Variants in POU3F3 observed in about 807,000 individuals in gnomAD.
POU3F3 encodes the protein POU domain, class 3, transcription factor 3.
In POU3F3, 1 loss-of-function variant was observed where a neutral mutation model predicts 8.6. The ratio of observed to expected loss-of-function variants is 0.12; its 90% confidence interval spans 0.04 to 0.55. POU3F3 has a LOEUF of 0.55. POU3F3 is among the 20% of genes least tolerant of loss of function. The probability of loss-of-function intolerance (pLI) is 0.91; values close to 1 mark genes in which losing one functional copy is unlikely to be tolerated. For synonymous variants in POU3F3, 418 were observed against 327.4 expected (o/e 1.28, Z -2.99); for missense variants, 577 against 690.7 (o/e 0.84, Z 1.84).
At chr2:104,894,449 C>T in the POU3F3 span, among the ~76,000 whole-genome samples, 1 of 152,156 alleles carries the variant, frequency 6.6e-6, no homozygotes, top group Non-Finnish European at 1.5e-5. Flanking sequence ...GGTGGGTTCC[C>T]GGTCACAGCC....
chr2:104,904,488 G>C, the POU3F3 span, among the ~76,000 whole-genome samples: 1 of 152,046 alleles, frequency 6.6e-6, no homozygotes, highest in African/African-American at 2.4e-5. Flanking sequence ...ATACTGCAAA[G>C]GGCAATCCAG....
the POU3F3 span, among the ~76,000 whole-genome samples, chr2:104,923,613 G>A: frequency 1.3e-5 from 2 of 152,134 alleles, no homozygotes; most frequent in South Asian, 4.2e-4. Context: ...TGCAAGAAAT[G>A]AAGTACAAAA....
chr2:104,874,736 C>G, the POU3F3 span, among the ~76,000 whole-genome samples: 4 of 152,168 alleles, frequency 2.6e-5, no homozygotes, highest in Non-Finnish European at 4.4e-5. Context: ...TGTGTTTATA[C>G]GCAGATTAGA....
At chr2:104,877,585 G>A in the POU3F3 span, among the ~76,000 whole-genome samples, 1 of 152,134 alleles carries the variant, frequency 6.6e-6, no homozygotes, top group Non-Finnish European at 1.5e-5. Flanking sequence ...GATGTGTGCA[G>A]TGTGTGTGGC....
the POU3F3 span, chr2:104,872,269 A>T: frequency 2.2e-6 from 1 of 456,554 alleles, no homozygotes; most frequent in Non-Finnish European, 4.4e-6. The surrounding 1 kb of genome is among the most constrained non-coding windows in gnomAD (Gnocchi z 4.6). Context: ...TCCATTCCAC[A>T]TACAGACAGG....
In POU3F3 at chr2:104,857,635, CAG is replaced by C. The variant is rs1335012077; in HGVS notation, c.*625_*626del. ...TTCCTGGGAGCGACCTGAGAGAAAA[CAG>C]AGGCACCAGGTTCCATCAGGGGACG... On this transcript the variant is annotated 3_prime_UTR_variant, in exon 1 of 1. Transcript: ENST00000361360. 1 of 153,650 alleles carries C rather than the reference CAG, an allele frequency of 6.5e-6. No individual in the cohort carries two copies. The highest frequency in any genetic ancestry group is 1.5e-5 in the Non-Finnish European group (1 of 68,028). 9.5% of individuals were successfully genotyped at this position (153,650 alleles called of 1,614,324 possible). A position where few individuals can be genotyped will look rare whatever the true frequency, so the allele number is the denominator to read the frequency against.
chr2:104,871,121 G>T, the POU3F3 span, among the ~76,000 whole-genome samples: 6 of 152,098 alleles, frequency 3.9e-5, no homozygotes, highest in Non-Finnish European at 8.8e-5. Context: ...AGGGTCTGCC[G>T]GATTATCAGA....
downstream of POU3F3, among the ~76,000 whole-genome samples, chr2:104,861,998 G>A (rs776534167): frequency 6.6e-5 from 10 of 152,238 alleles, no homozygotes; most frequent in Admixed American, 5.9e-4. Flanking sequence ...GAGGAGCTGG[G>A]GGTGGGGGCA....
the POU3F3 span, chr2:104,872,368 A>G: frequency 1.5e-5 from 7 of 456,262 alleles, no homozygotes; most frequent in Non-Finnish European, 3.1e-5. The surrounding 1 kb of genome is among the most constrained non-coding windows in gnomAD (Gnocchi z 4.6). Context: ...TGAGCTCTGG[A>G]GCCCGCTTCT....
the POU3F3 span, among the ~76,000 whole-genome samples, chr2:104,907,753 A>C: frequency 6.6e-6 from 1 of 152,074 alleles, no homozygotes; most frequent in Non-Finnish European, 1.5e-5. Flanking sequence ...TCCACCATTT[A>C]TATTTCTTAT....
the POU3F3 span, among the ~76,000 whole-genome samples, chr2:104,893,781 G>A: frequency 6.6e-6 from 1 of 151,906 alleles, no homozygotes; most frequent in Non-Finnish European, 1.5e-5. Flanking sequence ...TACTCAGGAG[G>A]CTGAGGCAGG....
At chr2:104,925,944 A>T in the POU3F3 span, 2 of 152,190 alleles carry the variant, frequency 1.3e-5, no homozygotes, top group African/African-American at 4.8e-5. Flanking sequence ...GCAAATGTTT[A>T]TTTCTTACAG....
At chr2:104,893,744 A>G in the POU3F3 span, among the ~76,000 whole-genome samples, 1 of 152,022 alleles carries the variant, frequency 6.6e-6, no homozygotes, top group African/African-American at 2.4e-5. Context: ...TGAGCCGGGC[A>G]TGGTGGCAGG....
At chr2:104,859,077 A>G (rs965264306), downstream of POU3F3, among the ~76,000 whole-genome samples, 6 of 151,996 alleles carry the variant, frequency 3.9e-5, no homozygotes, top group Non-Finnish European at 7.4e-5. Flanking sequence ...ATATTTTGAT[A>G]TCAATTACTT....
the POU3F3 span, among the ~76,000 whole-genome samples, chr2:104,876,434 G>A: frequency 1.3e-5 from 2 of 152,166 alleles, no homozygotes; most frequent in Non-Finnish European, 2.9e-5. Context: ...CCCTGGTTTT[G>A]GAGCTCTCTC....
chr2:104,897,016 A>G, the POU3F3 span, among the ~76,000 whole-genome samples: 2 of 152,138 alleles, frequency 1.3e-5, no homozygotes, highest in Non-Finnish European at 2.9e-5. Flanking sequence ...TGTCCTAAAT[A>G]GTCCAGTTTC....
At chr2:104,899,268 G>A in the POU3F3 span, among the ~76,000 whole-genome samples, 1 of 152,216 alleles carries the variant, frequency 6.6e-6, no homozygotes, top group African/African-American at 2.4e-5. Flanking sequence ...GAGGAACTCC[G>A]GGGCTGCAGC....
At chr2:104,902,604 G>A in the POU3F3 span, among the ~76,000 whole-genome samples, 2 of 152,120 alleles carry the variant, frequency 1.3e-5, no homozygotes, top group Non-Finnish European at 2.9e-5. Context: ...GTACCGATAG[G>A]AGAGTAGCGG....
At chr2:104,897,408 G>C in the POU3F3 span, among the ~76,000 whole-genome samples, 1 of 152,148 alleles carries the variant, frequency 6.6e-6, no homozygotes, top group Admixed American at 6.5e-5. Context: ...ACACCTGGGA[G>C]AAAGGAAAAC....
Sources: allele counts gnomAD v4.1 joint callset (sites outside exome capture counted in the v4.1 genomes callset), GRCh38; gene constraint gnomAD v4.1.1; non-coding constraint Gnocchi (gnomAD v3.1); transcripts MANE v1.5; gene names NCBI Gene and HGNC (gene_info 2026-07-23, HGNC 2026-07-21).